Variants in TMEM273 observed in about 807,000 individuals in gnomAD.
TMEM273 encodes transmembrane protein 273, also known as chromosome 10 open reading frame 128.
In TMEM273, 19 loss-of-function variants were observed where a neutral mutation model predicts 17.9. The observed-to-expected ratio is 1.06, with a 90% CI of 0.74 to 1.55. The LOEUF (loss-of-function observed/expected upper bound fraction) is 1.55. Among genes scored for constraint, TMEM273 ranks in the 40% most tolerant of loss-of-function variants. TMEM273 has a pLI of 0.00. For missense variants in TMEM273, 194 were observed against 155.6 expected (o/e 1.25, Z -1.31); for synonymous variants, 66 against 62.0 (o/e 1.07, Z -0.31).
chr10:49,180,484 G>C (rs111925902), intron 1 of TMEM273, among the ~76,000 whole-genome samples: 13 of 152,264 alleles, frequency 8.5e-5, no homozygotes, highest in African/African-American at 2.6e-4. Context: ...CACCCCCCTA[G>C]CAATTATGAG....
chr10:49,171,215 C>T (rs933548352), intron 1 of TMEM273, among the ~76,000 whole-genome samples: 1 of 152,232 alleles, frequency 6.6e-6, no homozygotes, highest in Non-Finnish European at 1.5e-5. Context: ...ATAATAGGCA[C>T]AGTTCTGGCC....
intron 1 of TMEM273, among the ~76,000 whole-genome samples, chr10:49,168,213 T>C (rs775593078): frequency 6.6e-6 from 1 of 152,186 alleles, no homozygotes; most frequent in Non-Finnish European, 1.5e-5. Flanking sequence ...ACCTGAACTC[T>C]GACCCAAGCC....
rs1464128608 is a variant in TMEM273, at chr10:49,165,299, C to G, written c.270-16G>C. The G allele has an allele frequency of 1.3e-6, 2 of 1,550,488 alleles. No homozygotes were observed. Among genetic ancestry groups the G allele is most frequent in the South Asian group, 2.4e-5 (2 of 84,052 alleles). On this transcript the variant is annotated splice_polypyrimidine_tract_variant and intron_variant, in intron 4 of 6. Transcript: ENST00000374153. ...TTGCAGCTTTCTGGCAAAGAGCATT[C>G]CAATTACAGAAAACAGCAAGTGCAA...
chr10:49,166,134 T>C (rs997074899), intron 3 of TMEM273, among the ~76,000 whole-genome samples: 1 of 152,142 alleles, frequency 6.6e-6, no homozygotes, highest in Non-Finnish European at 1.5e-5. Context: ...AGGAAGGCAG[T>C]GAGGCTCTAT....
At chr10:49,156,384 G>T (rs138961446) in intron 6 of TMEM273, 2 of 830,628 alleles carry the variant, frequency 2.4e-6, no homozygotes, top group Admixed American at 6.9e-5. Context: ...TTTGATGAAA[G>T]GGAAGGGCAG....
At chr10:49,167,477 G>A (rs1471992142) in intron 2 of TMEM273, among the ~76,000 whole-genome samples, 1 of 152,228 alleles carries the variant, frequency 6.6e-6, no homozygotes, top group Non-Finnish European at 1.5e-5. Context: ...GGCTGGGTTG[G>A]CCTAGAGTCA....
In TMEM273 at chr10:49,167,766, G is replaced by C. The variant is rs550785538; in HGVS notation, c.97+143C>G. 4 of 1,004,492 alleles carry C rather than the reference G, an allele frequency of 4.0e-6. No individual in the cohort carries two copies. The South Asian group carries it at 4.3e-5, about 11-fold the overall frequency. The allele number at this position is 1,004,492 out of a possible 1,614,324, so 62.2% of individuals were successfully genotyped here. A position where few individuals can be genotyped will look rare whatever the true frequency, so the allele number is the denominator to read the frequency against. On this transcript the variant is annotated intron_variant, in intron 2 of 6. Coordinates refer to ENST00000374153, the MANE Select transcript of TMEM273 (RefSeq NM_001288740.3). ...CGAAATAAAGCTGTCAGCTGCTCTG[G>C]GGGACCTGGAGGTGAGGGTGCCCCT...
intron 1 of TMEM273, among the ~76,000 whole-genome samples, chr10:49,186,174 C>G (rs528441571): frequency 1.3e-5 from 2 of 151,996 alleles, no homozygotes; most frequent in Non-Finnish European, 2.9e-5. Flanking sequence ...CTACGGAACT[C>G]TAACCTGTAA....
At chr10:49,166,787 C>T (rs1312102667) in intron 3 of TMEM273, 82 bp downstream of exon 3, 1 of 1,583,576 alleles carries the variant, frequency 6.3e-7, no homozygotes, top group Non-Finnish European at 8.6e-7. Context: ...TGGGTTCATT[C>T]TTGCTGTAGC....
intron 6 of TMEM273, among the ~76,000 whole-genome samples, chr10:49,156,932 C>G (rs1418020999): frequency 2.0e-5 from 3 of 152,170 alleles, no homozygotes; most frequent in African/African-American, 7.2e-5. Context: ...CAAGCAAGGG[C>G]CTCAAATGCC....
chr10:49,179,016 A>T (rs117982962), intron 1 of TMEM273, among the ~76,000 whole-genome samples: 1,605 of 152,310 alleles, frequency 0.011, 14 homozygotes, highest in Non-Finnish European at 0.018. Flanking sequence ...CAAAGGTGTG[A>T]ACAGGGCTTG....
At chr10:49,186,913 AC>A (rs1847761434) in intron 1 of TMEM273, among the ~76,000 whole-genome samples, 2 of 152,366 alleles carry the variant, frequency 1.3e-5, no homozygotes, top group African/African-American at 4.8e-5. Context: ...AGCACCCAGC[AC>A]ATCGACACAC....
Position 49,172,686 on chromosome 10 carries a change from C to T in TMEM273, c.44-4724G>A, listed in dbSNP as rs548272036. 7.2e-4 allele frequency among the ~76,000 whole-genome samples: 110 copies of T among 152,312 alleles called. 3 individuals are homozygous for T. The South Asian group carries it at 0.018, about 25-fold the overall frequency. On this transcript the variant is annotated intron_variant, in intron 1 of 6. Transcript: ENST00000374153. ...CAGTGGCCTTGGACCAGACACAGCA[C>T]GGCTCCCAGCTCAATGGCCTCATTG...
At chr10:49,167,275 C>CA (rs1396709755) in intron 2 of TMEM273, among the ~76,000 whole-genome samples, 1 of 152,214 alleles carries the variant, frequency 6.6e-6, no homozygotes, top group Non-Finnish European at 1.5e-5. Flanking sequence ...GTGAGTGGCT[C>CA]ATTTCTCTGG....
intron 1 of TMEM273, among the ~76,000 whole-genome samples, chr10:49,175,955 G>A (rs553976588): frequency 6.6e-6 from 1 of 152,356 alleles, no homozygotes; most frequent in Non-Finnish European, 1.5e-5. Context: ...CCACCTTTGA[G>A]CCTCTCTGTG....
Position 49,155,260 on chromosome 10 carries a change from G to A in TMEM273, c.*632C>T, listed in dbSNP as rs182881400. 12 of 153,018 alleles carry A rather than the reference G, an allele frequency of 7.8e-5. No homozygotes were observed. Among genetic ancestry groups the A allele is most frequent in the Admixed American group, 1.9e-4 (3 of 15,430 alleles). The allele number at this position is 153,018 out of a possible 1,614,324, so 9.5% of individuals were successfully genotyped here. A position where few individuals can be genotyped will look rare whatever the true frequency, so the allele number is the denominator to read the frequency against. On this transcript the variant is annotated 3_prime_UTR_variant, in exon 7 of 7. Transcript: ENST00000374153. ...CGTTGGTTCCATCCTTTGAAGGTCT[G>A]AGAGCAGCAGGCCCATTCCATGAAC...
chr10:49,175,425 C>A (rs58753186), intron 1 of TMEM273, among the ~76,000 whole-genome samples: 1 of 152,170 alleles, frequency 6.6e-6, no homozygotes, highest in African/African-American at 2.4e-5. Flanking sequence ...CAGAGGCCAC[C>A]CCAGGCTGAG....
intron 1 of TMEM273, among the ~76,000 whole-genome samples, chr10:49,183,942 C>CAAAA: frequency 6.7e-6 from 1 of 148,942 alleles, no homozygotes; most frequent in Non-Finnish European, 1.5e-5. Context: ...TCAGCTATAG[C>CAAAA]AAAAAAAAAA....
rs146303163 is a variant in TMEM273, at chr10:49,184,375, C to T, written c.43+3919G>A. 3.5e-4 allele frequency among the ~76,000 whole-genome samples: 54 copies of T among 152,256 alleles called. No homozygotes were observed. The East Asian group carries it at 7.1e-3, about 20-fold the overall frequency. On this transcript the variant is annotated intron_variant, in intron 1 of 6. Transcript: ENST00000374153. ...AGCCACAAAGATAAAAGATAAGCAA[C>T]ATACTGAGAGAAGATATTTGGAACA...
Sources: gnomAD v4.1 joint callset for allele counts (sites outside exome capture counted in the v4.1 genomes callset) on GRCh38, gnomAD v4.1.1 for gene constraint, MANE v1.5 for transcripts, NCBI Gene and HGNC (gene_info 2026-07-23, HGNC 2026-07-21) for gene names.